Variants in POLE2 observed in about 807,000 individuals in gnomAD.
The protein encoded by POLE2 is DNA polymerase epsilon subunit 2.
Under a neutral mutation model 79.4 loss-of-function variants are expected in POLE2, and 56 were observed. The ratio of observed to expected loss-of-function variants is 0.71; its 90% CI spans 0.57 to 0.88. The LOEUF (loss-of-function observed/expected upper bound fraction) is 0.88, where lower values mean the gene tolerates loss of function less well. POLE2 is among the 40% of genes least tolerant of loss of function. POLE2 has a pLI of 0.00. For synonymous variants in POLE2, 212 were observed against 214.0 expected (o/e 0.99, Z 0.08); for missense variants, 598 against 638.9 (o/e 0.94, Z 0.69).
chr14:49,670,317 C>CAAAAAAAAAAA (rs61383006), intron 5 of POLE2, among the ~76,000 whole-genome samples: 4 of 59,106 alleles, frequency 6.8e-5, no homozygotes, highest in African/African-American at 2.7e-4. Context: ...ACTGTGTCTC[C>CAAAAAAAAAAA]AAAAAAAAAA....
At chr14:49,648,120 G>A (rs1245335585) in intron 17 of POLE2, among the ~76,000 whole-genome samples, 1 of 152,136 alleles carries the variant, frequency 6.6e-6, no homozygotes, top group East Asian at 1.9e-4. Flanking sequence ...CTTCCTATGT[G>A]CCTGTAAAGC....
At chr14:49,685,520 T>C (rs112674027) in intron 1 of POLE2, among the ~76,000 whole-genome samples, 4 of 152,300 alleles carry the variant, frequency 2.6e-5, no homozygotes, top group African/African-American at 9.6e-5. Context: ...GCTCATACCA[T>C]GTCCCTGGCC....
At position 49,651,387 on chromosome 14, in the gene POLE2, A is replaced by G; in HGVS notation, c.1212-10T>C. On this transcript the variant is annotated splice_polypyrimidine_tract_variant and intron_variant, in intron 15 of 18. Transcript: ENST00000216367. ...TGTACAGTACTGAATTCTGAAATGA[A>G]AACAGTAGTTGAATTTGACTTCTCA... 2.6e-6 allele frequency: 3 copies of G among 1,163,394 alleles called. No individual in the cohort carries two copies. Among genetic ancestry groups the G allele is most frequent in the South Asian group, 1.5e-5 (1 of 67,580 alleles). The allele number at this position is 1,163,394 out of a possible 1,614,324, so 72.1% of individuals were successfully genotyped here.
Position 49,652,619 on chromosome 14 carries a change from C to T in POLE2, c.1212-1242G>A, listed in dbSNP as rs1015148843. Among the ~76,000 whole-genome samples, 8 of 152,252 alleles carry T rather than the reference C, an allele frequency of 5.3e-5. No individual in the cohort carries two copies. The South Asian group carries it at 6.2e-4, about 12-fold the overall frequency. ...CACGAATCCTGTTGTGAACTGTACA[C>T]GTGAGTGATCTAGGCTGCACACTCG... On this transcript the variant is annotated intron_variant, in intron 15 of 18. Transcript: ENST00000216367.
At chr14:49,674,283 A>G in intron 4 of POLE2, 67 bp from the exon 5 acceptor site, 1 of 1,441,384 alleles carries the variant, frequency 6.9e-7, no homozygotes, top group South Asian at 1.2e-5. Context: ...GTGAAGCAAG[A>G]GACTATACCT....
In POLE2 at chr14:49,651,362, T is replaced by G; in HGVS notation, c.1227A>C (p.Thr409=). 6.7e-7 allele frequency: 1 copy of G among 1,485,440 alleles called. No individual in the cohort carries two copies. The highest frequency in any genetic ancestry group is 2.3e-5 in the East Asian group (1 of 44,028). The allele number at this position is 1,485,440 out of a possible 1,614,324, so 92.0% of individuals were successfully genotyped here. A position where few individuals can be genotyped will look rare whatever the true frequency, so the allele number is the denominator to read the frequency against. Residue 409 remains threonine, a synonymous_variant, in exon 16 of 19, where the codon ACA becomes ACC. Coordinates refer to ENST00000216367, the MANE Select transcript of POLE2 (RefSeq NM_002692.4). ...TTNPCRIQYC[T]QEITVFREDL... is the part of the protein sequence containing the mutation. ...CTTCACGGAAGACAGTAATTTCCTG[T>G]GTACAGTACTGAATTCTGAAATGAA...
At chr14:49,663,561 A>G (rs1040122879) in intron 9 of POLE2, among the ~76,000 whole-genome samples, 174 bp from the exon 10 acceptor site, 5 of 152,254 alleles carry the variant, frequency 3.3e-5, no homozygotes, top group African/African-American at 9.6e-5. Context: ...GAGAGTCTCA[A>G]CTTATAAAAT....
chr14:49,660,421 G>C (rs1184843743), intron 10 of POLE2, among the ~76,000 whole-genome samples: 2 of 151,572 alleles, frequency 1.3e-5, no homozygotes, highest in African/African-American at 4.8e-5. Context: ...AAAATTACAG[G>C]TGATTTTCCT....
intron 11 of POLE2, among the ~76,000 whole-genome samples, chr14:49,655,414 C>G (rs1884582485): frequency 6.6e-6 from 1 of 151,228 alleles, no homozygotes; most frequent in South Asian, 2.1e-4. Context: ...TGTTGTCCAG[C>G]TGGTCTTGAA....
Position 49,683,611 on chromosome 14 carries a change from CATTA to C in POLE2, c.147_150del (p.Ile49MetfsTer12). 1 of 1,556,832 alleles carries C rather than the reference CATTA, an allele frequency of 6.4e-7. No homozygotes were observed. Among genetic ancestry groups the C allele is most frequent in the East Asian group, 2.2e-5 (1 of 44,586 alleles). On this transcript the variant is annotated frameshift_variant, in exon 2 of 19. Coordinates refer to ENST00000216367, the MANE Select transcript of POLE2 (RefSeq NM_002692.4). LOFTEE classifies it high-confidence loss of function. ...TACTTACAGGGTTGCTTCTCAACTG[CATTA>C]ATTATCTTTTCCAGTTTATCTTCAA...
intron 17 of POLE2, among the ~76,000 whole-genome samples, chr14:49,648,033 A>C (rs1883913643): frequency 6.6e-6 from 1 of 152,234 alleles, no homozygotes; most frequent in Non-Finnish European, 1.5e-5. Context: ...TGAGACAATC[A>C]GCAAGTTCAA....
chr14:49,650,253 C>T lies in POLE2; in HGVS notation c.1497+12G>A. 6.8e-7 allele frequency: 1 copy of T among 1,466,526 alleles called. No individual in the cohort carries two copies. The highest frequency in any genetic ancestry group is 9.3e-7 in the Non-Finnish European group (1 of 1,073,206). The allele number at this position is 1,466,526 out of a possible 1,614,324, so 90.8% of individuals were successfully genotyped here. Reference sequence around the variant, plus strand: ...ATAAATAATGACTATATAAGATTAACTACATTCTTACAGGGTTTATGCAGA... The same window carrying T: ...ATAAATAATGACTATATAAGATTAATTACATTCTTACAGGGTTTATGCAGA... On this transcript the variant is annotated intron_variant, in intron 17 of 18. Coordinates refer to ENST00000216367, the MANE Select transcript of POLE2 (RefSeq NM_002692.4).
In POLE2 at chr14:49,671,185, G is replaced by A. The variant is rs117439891; in HGVS notation, c.418-1587C>T. 7.7e-3 allele frequency among the ~76,000 whole-genome samples: 1,179 copies of A among 152,278 alleles called. 13 individuals carry two copies. Among genetic ancestry groups the A allele is most frequent in the Admixed American group, 0.014 (219 of 15,278 alleles). On this transcript the variant is annotated intron_variant, in intron 5 of 18. Transcript: ENST00000216367. The stretch of plus-strand genomic sequence containing the variant: ...AAAACATACTTAAGAAAAAAGAAAT[G>A]TGGTGTTTACTGAGCACCTTCTCTG...
rs142818399 is a variant in POLE2 at position 49,675,500 on chromosome 14, T to C, written c.246-1073A>G. On this transcript the variant is annotated intron_variant, in intron 3 of 18. Coordinates refer to ENST00000216367, the MANE Select transcript of POLE2 (RefSeq NM_002692.4). ...TGATGCCCAGGCTGGGGTGTGATCT[T>C]GGCTCACTGCAACCTCTTCCTCCCG... Among the ~76,000 whole-genome samples the C allele has an allele frequency of 2.1e-4, 32 of 152,188 alleles. No homozygotes were observed. The East Asian group carries it at 6.2e-3, about 29-fold the overall frequency.
chr14:49,676,893 C>T (rs61981150), intron 3 of POLE2, among the ~76,000 whole-genome samples: 344 of 152,324 alleles, frequency 2.3e-3, no homozygotes, highest in Middle Eastern at 6.8e-3. Context: ...GATCCCTGGG[C>T]GCTTAGTGCA....
At chr14:49,656,336 A>G (rs544646854) in intron 10 of POLE2, among the ~76,000 whole-genome samples, 203 of 150,994 alleles carry the variant, frequency 1.3e-3, no homozygotes, top group African/African-American at 4.7e-3. Context: ...AACCTGGGCG[A>G]CAGTGAGACT....
At position 49,665,115 on chromosome 14, in the gene POLE2, T is replaced by G. The variant is rs1289249590; in HGVS notation, c.625A>C (p.Ser209Arg). Reference sequence around the variant, plus strand: ...AGACAAGTGAAGGATATAGCTTTACTAAGGTCTAGTTGGACTGTTCCAGTA... The same window carrying G: ...AGACAAGTGAAGGATATAGCTTTACGAAGGTCTAGTTGGACTGTTCCAGTA... Reference protein sequence around the residue: ...DPTGTVQLDLSKAQFHSGLYT... With the variant: ...DPTGTVQLDLRKAQFHSGLYT... The change falls in exon 8 of 19, where the codon AGT (serine) becomes CGT (arginine). Residue 209 changes from serine (S) to arginine (R), a missense_variant. Coordinates refer to ENST00000216367, the MANE Select transcript of POLE2 (RefSeq NM_002692.4). The G allele has an allele frequency of 1.4e-6, 2 of 1,384,666 alleles. No homozygotes were observed. Among genetic ancestry groups the G allele is most frequent in the Non-Finnish European group, 1.0e-6 (1 of 977,730 alleles). The allele number at this position is 1,384,666 out of a possible 1,614,324, so 85.8% of individuals were successfully genotyped here.
At chr14:49,644,474 C>T (rs546231596) in intron 18 of POLE2, among the ~76,000 whole-genome samples, 9 of 149,974 alleles carry the variant, frequency 6.0e-5, no homozygotes, top group African/African-American at 2.2e-4. Flanking sequence ...TGCGCCATTG[C>T]ACTCCAGCCT....
At chr14:49,660,024 A>T (rs1018965541) in intron 10 of POLE2, among the ~76,000 whole-genome samples, 1 of 152,130 alleles carries the variant, frequency 6.6e-6, no homozygotes, top group African/African-American at 2.4e-5. Flanking sequence ...TCACTCACTG[A>T]CTCACTCAGA....
Sources: gnomAD v4.1 joint callset for allele counts (sites outside exome capture counted in the v4.1 genomes callset) on GRCh38, gnomAD v4.1.1 for gene constraint, MANE v1.5 for transcripts, NCBI Gene and HGNC (gene_info 2026-07-23, HGNC 2026-07-21) for gene names.